The following MEOX1 variants were observed in gnomAD, a reference collection of about 807,000 sequenced individuals.
The protein encoded by MEOX1 is mesenchyme homeobox 1.
MEOX1 carries 17 observed loss-of-function variants against 23.2 expected under a neutral mutation model. The observed-to-expected ratio is 0.73, with a 90% CI of 0.50 to 1.10. The LOEUF (loss-of-function observed/expected upper bound fraction) is 1.10. Ranked by LOEUF, MEOX1 falls within the 50% of genes least tolerant of loss-of-function variation. The pLI, the probability that MEOX1 is intolerant of heterozygous loss-of-function variation, is 0.00. For missense variants in MEOX1, 333 were observed against 332.2 expected, an observed-to-expected ratio of 1.00 and a Z score of -0.02; for synonymous variants, 134 against 135.1, an observed-to-expected ratio of 0.99 and a Z score of 0.06.
chr17:43,642,748 A>C (rs1972720000), intron 2 of MEOX1, among the ~76,000 whole-genome samples: 3 of 152,192 alleles, frequency 2.0e-5, no homozygotes, highest in African/African-American at 7.2e-5. Flanking sequence ...TATCCAGATC[A>C]CCTGGAGAAT....
chr17:43,654,394 G>T (rs1972974437), intron 1 of MEOX1, among the ~76,000 whole-genome samples: 1 of 152,146 alleles, frequency 6.6e-6, no homozygotes. Context: ...TGTAATCCCA[G>T]CTACTTGGGA....
intron 1 of MEOX1, among the ~76,000 whole-genome samples, chr17:43,645,178 T>A (rs1321640908): frequency 2.0e-4 from 29 of 141,644 alleles, no homozygotes; most frequent in African/African-American, 7.4e-4. Flanking sequence ...TATCTTTTTT[T>A]TTTTTTTTTT....
At chr17:43,644,416 C>G (rs1972764674) in intron 1 of MEOX1, among the ~76,000 whole-genome samples, 1 of 152,232 alleles carries the variant, frequency 6.6e-6, no homozygotes, top group Admixed American at 6.5e-5. Flanking sequence ...CCAACAGGGT[C>G]AGGGGACACA....
Position 43,661,630 on chromosome 17 carries a change from T to G in MEOX1, c.-96A>C. On this transcript the variant is annotated 5_prime_UTR_variant, in exon 1 of 3. Transcript: ENST00000318579. ...AAAATGCAAAAGAAAAAAAACTAAA[T>G]AGGAGGGAAAAATGTTCAACAGAAA... 3 of 646,152 alleles carry G rather than the reference T, an allele frequency of 4.6e-6. No individual in the cohort carries two copies. The highest frequency in any genetic ancestry group is 6.8e-5 in the South Asian group (1 of 14,762). 40.0% of individuals were successfully genotyped at this position (646,152 alleles called of 1,614,324 possible). A position where few individuals can be genotyped will look rare whatever the true frequency, so the allele number is the denominator to read the frequency against.
intron 1 of MEOX1, among the ~76,000 whole-genome samples, chr17:43,649,466 TA>T: frequency 6.6e-6 from 1 of 152,058 alleles, no homozygotes; most frequent in South Asian, 2.1e-4. Context: ...GCCGCCACAC[TA>T]GGCTAATTTT....
chr17:43,653,717 C>T (rs1338516382), intron 1 of MEOX1, among the ~76,000 whole-genome samples: 1 of 151,052 alleles, frequency 6.6e-6, no homozygotes, highest in Non-Finnish European at 1.5e-5. Flanking sequence ...ACCATTTTGG[C>T]CAGGATGGTT....
At chr17:43,650,243 CAATG>C (rs1174255310) in intron 1 of MEOX1, among the ~76,000 whole-genome samples, 2 of 152,116 alleles carry the variant, frequency 1.3e-5, no homozygotes, top group Non-Finnish European at 2.9e-5. Flanking sequence ...TAGAGATGAT[CAATG>C]TCACCTTTTC....
chr17:43,651,987 C>T (rs1016229736), intron 1 of MEOX1, among the ~76,000 whole-genome samples: 2 of 152,174 alleles, frequency 1.3e-5, no homozygotes, highest in African/African-American at 2.4e-5. Context: ...CAGGCCCAGG[C>T]GTGGGATTTG....
intron 1 of MEOX1, among the ~76,000 whole-genome samples, chr17:43,656,775 C>T (rs1367992284): frequency 1.3e-5 from 2 of 152,132 alleles, no homozygotes; most frequent in South Asian, 4.1e-4. Flanking sequence ...TCCTTCATTC[C>T]CATAAATTAA....
chr17:43,646,613 A>AAAAC (rs60726674), intron 1 of MEOX1, among the ~76,000 whole-genome samples: 96,799 of 151,580 alleles, frequency 0.64, 31,057 homozygotes, highest in Admixed American at 0.72. Context: ...GAAATTGAGG[A>AAAAC]AATTTCACCT....
chr17:43,653,723 T>G (rs927125473), intron 1 of MEOX1, among the ~76,000 whole-genome samples: 2 of 150,560 alleles, frequency 1.3e-5, no homozygotes, highest in Admixed American at 6.6e-5. Context: ...TTGGCCAGGA[T>G]GGTTTTGATT....
chr17:43,657,043 T>TTTC (rs1249937201), intron 1 of MEOX1, among the ~76,000 whole-genome samples: 1 of 139,770 alleles, frequency 7.2e-6, no homozygotes, highest in Non-Finnish European at 1.6e-5. Context: ...TCTTTCTTTC[T>TTTC]TTCTTTCTTT....
rs899435239 is a variant in MEOX1 at position 43,641,409 on chromosome 17, C to T, written c.*501G>A. The T allele has an allele frequency of 1.3e-5, 2 of 152,870 alleles. No individual in the cohort carries two copies. Among genetic ancestry groups the T allele is most frequent in the Non-Finnish European group, 2.9e-5 (2 of 68,496 alleles). The allele number at this position is 152,870 out of a possible 1,614,324, so 9.5% of individuals were successfully genotyped here. Reference sequence around the variant, plus strand: ...CGGGACAACTAAGGGGCCCCAAAGCCTCAGATGTGCAGCCTACAGAGGAAG... The same window carrying T: ...CGGGACAACTAAGGGGCCCCAAAGCTTCAGATGTGCAGCCTACAGAGGAAG... On this transcript the variant is annotated 3_prime_UTR_variant, in exon 3 of 3. Coordinates refer to ENST00000318579, the MANE Select transcript of MEOX1 (RefSeq NM_004527.4).
At position 43,652,825 on chromosome 17, in the gene MEOX1, C is replaced by CTTTTT. The variant is rs397856379; in HGVS notation, c.469+8236_469+8240dup. 1.0e-3 allele frequency among the ~76,000 whole-genome samples: 74 copies of CTTTTT among 71,110 alleles called. 1 individual carries two copies. The highest frequency in any genetic ancestry group is 2.5e-3 in the East Asian group (4 of 1,618). The allele number at this position is 71,110 out of a possible 152,430, so 46.7% of individuals were successfully genotyped here. ...TATTTCATTCTCATCTCTACTATTGCTTTTTTTTTTTTTTTTTTTTTTTTG... is the reference window on the plus strand; with the variant it reads ...TATTTCATTCTCATCTCTACTATTGCTTTTTTTTTTTTTTTTTTTTTTTTTTTTTG... On this transcript the variant is annotated intron_variant, in intron 1 of 2. Coordinates refer to ENST00000318579, the MANE Select transcript of MEOX1 (RefSeq NM_004527.4).
intron 1 of MEOX1, among the ~76,000 whole-genome samples, chr17:43,660,780 A>G (rs1222857669): frequency 6.6e-6 from 1 of 152,156 alleles, no homozygotes; most frequent in Non-Finnish European, 1.5e-5. Flanking sequence ...GTCTGCACCC[A>G]GAGGATCCAT....
intron 1 of MEOX1, among the ~76,000 whole-genome samples, chr17:43,657,588 G>T (rs113901413): frequency 6.6e-6 from 1 of 152,102 alleles, no homozygotes; most frequent in African/African-American, 2.4e-5. Context: ...GGAAGGAAGC[G>T]CAGAGAACAT....
intron 1 of MEOX1, 117 bp downstream of exon 1, chr17:43,660,949 T>A: frequency 1.7e-6 from 1 of 604,074 alleles, no homozygotes; most frequent in Non-Finnish European, 2.7e-6. Context: ...TCCAGTCTCC[T>A]GCATTTGGAT....
At chr17:43,657,012 CTCTTTCTTTCTTTCTTTCTTTCTT>C in intron 1 of MEOX1, among the ~76,000 whole-genome samples, 1 of 105,086 alleles carries the variant, frequency 9.5e-6, no homozygotes, top group Non-Finnish European at 1.9e-5. Flanking sequence ...TTCTTTCTTT[CTCTTTCTTTCTTTCTTTCTTTCTT>C]TCTTTCTTTC....
intron 1 of MEOX1, among the ~76,000 whole-genome samples, chr17:43,655,591 A>G (rs1333420418): frequency 3.3e-5 from 5 of 150,870 alleles, no homozygotes; most frequent in Admixed American, 1.3e-4. Flanking sequence ...TGGGAGGCCA[A>G]GGTGGGAGGA....
Sources: allele counts gnomAD v4.1 joint callset (sites outside exome capture counted in the v4.1 genomes callset), GRCh38; gene constraint gnomAD v4.1.1; transcripts MANE v1.5; gene names NCBI Gene and HGNC (gene_info 2026-07-23, HGNC 2026-07-21).